The following NRG3 variants were observed in gnomAD, a reference collection of about 807,000 sequenced individuals.
The protein encoded by NRG3 is pro-neuregulin-3, membrane-bound isoform.
A neutral mutation model predicts 66.9 loss-of-function variants in NRG3; 31 were observed. The ratio of observed to expected loss-of-function variants is 0.46; its 90% confidence interval spans 0.35 to 0.63. The LOEUF is 0.63. NRG3 is among the 20% of genes least tolerant of loss of function. The pLI is 0.00. For synonymous variants in NRG3, 393 were observed against 359.4 expected, an observed-to-expected ratio of 1.09 and a Z score of -1.06; for missense variants, 910 against 878.9, an observed-to-expected ratio of 1.04 and a Z score of -0.45.
intron 4 of NRG3, among the ~76,000 whole-genome samples, chr10:82,920,506 G>A (rs1846324823): frequency 1.3e-5 from 2 of 152,106 alleles, no homozygotes; most frequent in Non-Finnish European, 1.5e-5. Context: ...ATATTCACAT[G>A]CAGATCTTTG....
intron 2 of NRG3, among the ~76,000 whole-genome samples, chr10:82,383,552 C>G (rs2211634): frequency 0.43 from 65,710 of 151,756 alleles, 18,288 homozygotes; most frequent in African/African-American, 0.79. Context: ...ATTGTTTTTG[C>G]TGAGTGTGTA....
chr10:82,289,292 C>G (rs182975324), intron 1 of NRG3, among the ~76,000 whole-genome samples: 1 of 150,666 alleles, frequency 6.6e-6, no homozygotes, highest in African/African-American at 2.4e-5. Context: ...CTCTGTCCCC[C>G]TTTTCTCCCC....
rs567989333 is a variant in NRG3 at position 82,364,966 on chromosome 10, G to GT, written c.953+6104dup. ...AAGGGCAAAGGGAACCCTAAGAGTA[G>GT]TTTTTTCTCCCTATTATGACTGGCT... On this transcript the variant is annotated intron_variant, in intron 2 of 8. Transcript: ENST00000372141. Among the ~76,000 whole-genome samples, 455 of 152,292 alleles carry GT rather than the reference G, an allele frequency of 3.0e-3. 1 individual carries two copies. The highest frequency in any genetic ancestry group is 0.01 in the African/African-American group (426 of 41,568).
chr10:82,425,302 T>C (rs1448988817), intron 2 of NRG3, among the ~76,000 whole-genome samples: 1 of 152,124 alleles, frequency 6.6e-6, no homozygotes, highest in Admixed American at 6.6e-5. Context: ...TATTTAGGCT[T>C]TCTTAATTTT....
At chr10:82,568,637 G>A (rs2045557519) in intron 2 of NRG3, among the ~76,000 whole-genome samples, 1 of 151,566 alleles carries the variant, frequency 6.6e-6, no homozygotes. Context: ...GAAGAGCCAG[G>A]GTAATGTCTA....
chr10:82,449,108 TGCGAGCCTAGG>T (rs1309234538), intron 2 of NRG3, among the ~76,000 whole-genome samples: 1 of 152,188 alleles, frequency 6.6e-6, no homozygotes, highest in African/African-American at 2.4e-5. Flanking sequence ...AGACTCTTTC[TGCGAGCCTAGG>T]GCAGGTCCGA....
chr10:82,109,607 C>A (rs180947578), intron 1 of NRG3, among the ~76,000 whole-genome samples: 54 of 148,582 alleles, frequency 3.6e-4, no homozygotes, highest in Non-Finnish European at 6.7e-4. Context: ...CAAATTGATT[C>A]CAATGCTCTG....
chr10:82,714,958 C>T (rs977546759), intron 2 of NRG3, among the ~76,000 whole-genome samples: 2 of 152,294 alleles, frequency 1.3e-5, no homozygotes, highest in African/African-American at 4.8e-5. Flanking sequence ...ACTCCTTTTA[C>T]TACAAATGCT....
At chr10:82,399,423 G>A (rs2086930179) in intron 2 of NRG3, among the ~76,000 whole-genome samples, 1 of 152,138 alleles carries the variant, frequency 6.6e-6, no homozygotes. Context: ...AGTATCAATA[G>A]GCAAGTGTCT....
In NRG3 at chr10:82,909,249, T is replaced by C. The variant is rs542224159; in HGVS notation, c.1055-42220T>C. ...TGTCACAATTATTACCTCCTAGAGATGACCTTCAATGCAGAGAAATGGATT... is the reference window on the plus strand; with the variant it reads ...TGTCACAATTATTACCTCCTAGAGACGACCTTCAATGCAGAGAAATGGATT... On this transcript the variant is annotated intron_variant, in intron 4 of 8. Transcript: ENST00000372141. 3.9e-5 allele frequency among the ~76,000 whole-genome samples: 6 copies of C among 152,340 alleles called. No homozygotes were observed. In the East Asian group the frequency reaches 1.2e-3, roughly 29 times the overall value.
intron 1 of NRG3, among the ~76,000 whole-genome samples, chr10:81,970,298 ATT>A (rs565672602): frequency 1.5e-3 from 236 of 152,300 alleles, no homozygotes; most frequent in African/African-American, 5.5e-3. Flanking sequence ...GAGAGATGTT[ATT>A]TGTTACTGGC....
chr10:82,667,089 G>A (rs566332257), intron 2 of NRG3, among the ~76,000 whole-genome samples: 8 of 152,136 alleles, frequency 5.3e-5, no homozygotes, highest in Middle Eastern at 3.2e-3. Context: ...CTGCCTCTAC[G>A]TCCATTCTCC....
At chr10:82,214,735 A>C (rs553775023) in intron 1 of NRG3, among the ~76,000 whole-genome samples, 34 of 152,234 alleles carry the variant, frequency 2.2e-4, no homozygotes, top group Admixed American at 2.0e-3. Flanking sequence ...CTCCCAAAGC[A>C]CTGGGATTAC....
chr10:82,340,865 T>C (rs1589773305), intron 1 of NRG3: 1 of 152,142 alleles, frequency 6.6e-6, no homozygotes, highest in East Asian at 1.9e-4. Context: ...TTGTGAAACG[T>C]TCCCTATTTT....
chr10:82,462,729 C>A (rs755893315), intron 2 of NRG3, among the ~76,000 whole-genome samples: 4 of 152,126 alleles, frequency 2.6e-5, no homozygotes, highest in Non-Finnish European at 4.4e-5. Context: ...ATAGCAGTGC[C>A]ATTCTCAGAG....
chr10:82,016,242 C>T (rs1233272013), intron 1 of NRG3, among the ~76,000 whole-genome samples: 8 of 151,832 alleles, frequency 5.3e-5, no homozygotes, highest in African/African-American at 1.9e-4. Context: ...AATGGAAGCC[C>T]ATAGAATGTG....
At chr10:82,247,643 T>G (rs1422166125) in intron 1 of NRG3, among the ~76,000 whole-genome samples, 3 of 152,102 alleles carry the variant, frequency 2.0e-5, no homozygotes, top group African/African-American at 7.2e-5. Context: ...AGAAAAACAT[T>G]AGAATACAGG....
At chr10:82,617,381 A>AACACC (rs2133572252) in intron 2 of NRG3, among the ~76,000 whole-genome samples, 1 of 151,704 alleles carries the variant, frequency 6.6e-6, no homozygotes, top group Non-Finnish European at 1.5e-5. Context: ...CACAGACACA[A>AACACC]ACACCACACA....
At chr10:82,455,392 A>G (rs2091222111) in intron 2 of NRG3, among the ~76,000 whole-genome samples, 1 of 152,172 alleles carries the variant, frequency 6.6e-6, no homozygotes, top group African/African-American at 2.4e-5. Flanking sequence ...ACACAATGGT[A>G]AGTATTACTG....
Sources: gnomAD v4.1 joint callset for allele counts (sites outside exome capture counted in the v4.1 genomes callset) on GRCh38, gnomAD v4.1.1 for gene constraint, MANE v1.5 for transcripts, NCBI Gene and HGNC (gene_info 2026-07-23, HGNC 2026-07-21) for gene names.